Variants in PSG11 observed in about 807,000 individuals in gnomAD.
PSG11 encodes pregnancy specific beta-1-glycoprotein 11.
Under a neutral mutation model 36.0 loss-of-function variants are expected in PSG11, and 42 were observed. The observed-to-expected ratio is 1.17, with a 90% CI of 0.91 to 1.51. The LOEUF is 1.51. Ranked by LOEUF, PSG11 falls within the 40% of genes most tolerant of loss-of-function variation. PSG11 has a pLI of 0.00. For missense variants in PSG11, 558 were observed against 403.5 expected, an observed-to-expected ratio of 1.38 and a Z score of -3.28; for synonymous variants, 206 against 153.5, an observed-to-expected ratio of 1.34 and a Z score of -2.53.
At chr19:43,013,068 A>G (rs1173109152) in intron 4 of PSG11, among the ~76,000 whole-genome samples, 1 of 151,434 alleles carries the variant, frequency 6.6e-6, no homozygotes, top group Non-Finnish European at 1.5e-5. Flanking sequence ...GGAAAGCTGG[A>G]TATCCAAGGG....
rs562109201 is a variant in PSG11, at chr19:43,025,792, C to T, written c.64+517G>A. The stretch of plus-strand genomic sequence containing the variant: ...AATGTGGTGGCCCCTGATGATTAAT[C>T]AGGAAAACAGAACACCTGTTTCCTA... On this transcript the variant is annotated intron_variant, in intron 1 of 5. Transcript: ENST00000320078. Among the ~76,000 whole-genome samples the T allele has an allele frequency of 3.4e-3, 516 of 150,186 alleles. 10 individuals are homozygous for T. The highest frequency in any genetic ancestry group is 0.012 in the African/African-American group (485 of 40,668).
intron 2 of PSG11, among the ~76,000 whole-genome samples, chr19:43,023,455 AG>A (rs1393683396): frequency 6.6e-6 from 1 of 150,956 alleles, no homozygotes; most frequent in Non-Finnish European, 1.5e-5. Flanking sequence ...ACAGAGTTTC[AG>A]GTTCAGTGAT....
In PSG11 at chr19:43,024,804, G is replaced by A; in HGVS notation, c.317C>T (p.Ser106Phe). The change falls in exon 2 of 6, where the codon TCC becomes TTC. Residue 106 changes from serine (S) to phenylalanine (F), a missense_variant. Transcript: ENST00000320078. ...SGRETVYSNASLLIQNVTRED... is the reference protein window; with the variant it reads ...SGRETVYSNAFLLIQNVTRED... ...CCGGGTGACATTCTGGATCAGCAGGGATGCATTGGAATATACTGTTTCTCG... is the reference window on the plus strand; with the variant it reads ...CCGGGTGACATTCTGGATCAGCAGGAATGCATTGGAATATACTGTTTCTCG... The A allele has an allele frequency of 6.2e-7, 1 of 1,611,984 alleles. No homozygotes were observed.
In PSG11 at chr19:43,014,855, T is replaced by C. The variant is rs761903026; in HGVS notation, c.964+261A>G. 97 of 1,355,330 alleles carry C rather than the reference T, an allele frequency of 7.2e-5. 2 individuals are homozygous for C. Among genetic ancestry groups the C allele is most frequent in the Non-Finnish European group, 9.1e-5 (93 of 1,022,870 alleles). 84.0% of individuals were successfully genotyped at this position (1,355,330 alleles called of 1,614,324 possible). A position where few individuals can be genotyped will look rare whatever the true frequency, so the allele number is the denominator to read the frequency against. ...CCTTCTTGTCCCTCTGTGAAGCCTC[T>C]TCTACCACATAGGGCTCAGGGCTGA... On this transcript the variant is annotated intron_variant, in intron 4 of 5. Transcript: ENST00000320078.
intron 3 of PSG11, chr19:43,015,789 G>A (rs1966949293): frequency 8.1e-6 from 13 of 1,610,428 alleles, no homozygotes; most frequent in Non-Finnish European, 1.1e-5. Context: ...GGGTGACTGA[G>A]TCACTGCGGA....
In PSG11 at chr19:43,007,907, C is replaced by T; in HGVS notation, c.*176G>A. 2.6e-6 allele frequency: 1 copy of T among 387,378 alleles called. No homozygotes were observed. Among genetic ancestry groups the T allele is most frequent in the Non-Finnish European group, 4.8e-6 (1 of 207,740 alleles). The allele number at this position is 387,378 out of a possible 1,614,324, so 24.0% of individuals were successfully genotyped here. ...TAGTCCAATGAAATGGAGTTCTTTT[C>T]TTCTTTGTCTTGAATTTCATGAAGG... On this transcript the variant is annotated 3_prime_UTR_variant, in exon 6 of 6. Coordinates refer to ENST00000320078, the MANE Select transcript of PSG11 (RefSeq NM_002785.3).
At chr19:43,020,525 A>G (rs753712539) in intron 2 of PSG11, among the ~76,000 whole-genome samples, 1 of 151,470 alleles carries the variant, frequency 6.6e-6, no homozygotes, top group South Asian at 2.1e-4. Context: ...AAACATTAAA[A>G]TGTTTTCATA....
intron 2 of PSG11, among the ~76,000 whole-genome samples, chr19:43,023,636 G>T (rs999289309): frequency 6.6e-6 from 1 of 151,120 alleles, no homozygotes. Flanking sequence ...AATGACTATG[G>T]GGTGCTTGGA....
intron 4 of PSG11, chr19:43,010,308 G>A: frequency 1.3e-6 from 2 of 1,500,440 alleles, no homozygotes; most frequent in Non-Finnish European, 1.8e-6. Flanking sequence ...AAGGCTGATT[G>A]CTATTTTCTA....
intron 1 of PSG11, 96 bp downstream of exon 1, chr19:43,026,213 T>G: frequency 6.4e-7 from 1 of 1,559,816 alleles, no homozygotes; most frequent in Non-Finnish European, 8.7e-7. Flanking sequence ...AATGCTGGCT[T>G]TTTTATTTTT....
chr19:43,014,388 TG>T, intron 4 of PSG11: 1 of 938,404 alleles, frequency 1.1e-6, no homozygotes, highest in Non-Finnish European at 1.3e-6. Flanking sequence ...TACTCAGTGC[TG>T]TGTCCCACGT....
At position 43,024,570 on chromosome 19, in the gene PSG11, C is replaced by T; in HGVS notation, c.430+121G>A. 4.5e-6 allele frequency: 7 copies of T among 1,561,496 alleles called. 1 individual carries two copies. Among genetic ancestry groups the T allele is most frequent in the Non-Finnish European group, 6.1e-6 (7 of 1,141,152 alleles). On this transcript the variant is annotated intron_variant, in intron 2 of 5. Transcript: ENST00000320078. ...TGTGTCCTGCACTAAATGCCCAAACCCCAGCATGGGACATAATGCAGAGAG... is the reference window on the plus strand; with the variant it reads ...TGTGTCCTGCACTAAATGCCCAAACTCCAGCATGGGACATAATGCAGAGAG...
At chr19:43,022,499 TG>T (rs1474929975) in intron 2 of PSG11, among the ~76,000 whole-genome samples, 5 of 151,366 alleles carry the variant, frequency 3.3e-5, no homozygotes, top group African/African-American at 1.2e-4. Context: ...CCTGATCCAC[TG>T]GGGAGGCTGA....
chr19:43,021,834 T>C (rs968159775), intron 2 of PSG11, among the ~76,000 whole-genome samples: 2 of 151,148 alleles, frequency 1.3e-5, no homozygotes, highest in Non-Finnish European at 2.9e-5. Context: ...ACAGGTGAAA[T>C]GAGCTCATGG....
chr19:43,024,119 T>C (rs1293525951), intron 2 of PSG11, among the ~76,000 whole-genome samples: 1 of 151,404 alleles, frequency 6.6e-6, no homozygotes, highest in South Asian at 2.1e-4. Flanking sequence ...AAGAAAGCTC[T>C]GTCCTTGCCC....
In PSG11 at chr19:43,015,097, G is replaced by A. The variant is rs746138294; in HGVS notation, c.964+19C>T. ...CTCCACCTAAAACCCTATTGCCAAG[G>A]ATGCTGGGATCCACTTACCAATGAC... is the stretch of plus-strand genomic sequence containing the variant. On this transcript the variant is annotated intron_variant, in intron 4 of 5. Transcript: ENST00000320078. 33 of 1,611,538 alleles carry A rather than the reference G, an allele frequency of 2.0e-5. No individual in the cohort carries two copies. Among genetic ancestry groups the A allele is most frequent in the Non-Finnish European group, 9.3e-6 (11 of 1,178,724 alleles).
At chr19:43,012,207 A>G (rs928949166) in intron 4 of PSG11, among the ~76,000 whole-genome samples, 3 of 151,470 alleles carry the variant, frequency 2.0e-5, no homozygotes, top group African/African-American at 4.9e-5. Flanking sequence ...CAATGGAGAA[A>G]GACTGAAAGC....
chr19:43,009,705 G>A (rs1314233674), intron 5 of PSG11, among the ~76,000 whole-genome samples: 1 of 149,954 alleles, frequency 6.7e-6, no homozygotes, highest in East Asian at 1.9e-4. Flanking sequence ...TTCACCATGT[G>A]AAATTGTGTT....
intron 2 of PSG11, among the ~76,000 whole-genome samples, chr19:43,023,286 A>G (rs1022638457): frequency 2.0e-5 from 3 of 150,600 alleles, no homozygotes; most frequent in Admixed American, 6.6e-5. Flanking sequence ...GAGGTTTTGG[A>G]TCATTCATTT....
Sources: allele counts gnomAD v4.1 joint callset (sites outside exome capture counted in the v4.1 genomes callset), GRCh38; gene constraint gnomAD v4.1.1; transcripts MANE v1.5; gene names NCBI Gene and HGNC (gene_info 2026-07-23, HGNC 2026-07-21).